The following CEP112 variants were observed in gnomAD, a reference collection of about 807,000 sequenced individuals.
The protein encoded by CEP112 is centrosomal protein of 112 kDa.
In CEP112, 127 loss-of-function variants were observed where a neutral mutation model predicts 153.0. That is an observed-to-expected ratio of 0.83 (90% CI 0.72 to 0.96). The LOEUF (loss-of-function observed/expected upper bound fraction) is 0.96, where lower values mean the gene tolerates loss of function less well. Ranked by LOEUF, CEP112 falls within the 40% of genes least tolerant of loss-of-function variation. The pLI, the probability that CEP112 is intolerant of heterozygous loss-of-function variation, is 0.00. For synonymous variants in CEP112, 358 were observed against 374.4 expected (o/e 0.96, Z 0.51); for missense variants, 1,089 against 1,101.2 (o/e 0.99, Z 0.16).
In CEP112 at chr17:65,959,233, A is replaced by T. The variant is rs531768538; in HGVS notation, c.1872+2230T>A. ...CTCTCTGCTGAGAGCTGCAGAGATG[A>T]TGGGACTACCTGTCTGCAGAGACGG... On this transcript the variant is annotated intron_variant, in intron 18 of 26. Transcript: ENST00000535342. 2.2e-4 allele frequency among the ~76,000 whole-genome samples: 33 copies of T among 152,086 alleles called. No individual in the cohort carries two copies. The South Asian group carries it at 3.5e-3, about 16-fold the overall frequency.
intron 22 of CEP112, among the ~76,000 whole-genome samples, chr17:65,748,747 G>A (rs1336611722): frequency 6.6e-6 from 1 of 152,170 alleles, no homozygotes; most frequent in African/African-American, 2.4e-5. Context: ...GGTAGGGCTG[G>A]TATTCAAATC....
chr17:65,907,431 C>A (rs2060125356), intron 19 of CEP112, among the ~76,000 whole-genome samples: 1 of 152,152 alleles, frequency 6.6e-6, no homozygotes, highest in African/African-American at 2.4e-5. Context: ...ATGAACAAAT[C>A]TCAAGGTTGC....
intron 21 of CEP112, among the ~76,000 whole-genome samples, chr17:65,815,919 T>C (rs1051039527): frequency 6.6e-6 from 1 of 152,114 alleles, no homozygotes; most frequent in Admixed American, 6.6e-5. Context: ...GTAGATGACA[T>C]GTCTGCAAAT....
In CEP112 at chr17:65,927,680, CT is replaced by C; in HGVS notation, c.1881del (p.Val628TrpfsTer5). On this transcript the variant is annotated frameshift_variant, in exon 19 of 27. Transcript: ENST00000535342. LOFTEE classifies it high-confidence loss of function. ...TTGGATCTAGTTAGATCTGCCTCCA[CT>C]TTTTCCATCTATAAAATTTAAAAAT... ...VYAEMKEQME[K>X]VEADLTRSKS... 3 of 1,542,204 alleles carry C rather than the reference CT, an allele frequency of 1.9e-6. No individual in the cohort carries two copies. The highest frequency in any genetic ancestry group is 4.4e-5 in the Admixed American group (2 of 45,330).
At chr17:65,725,385 T>C (rs755288515) in intron 23 of CEP112, among the ~76,000 whole-genome samples, 5 of 152,164 alleles carry the variant, frequency 3.3e-5, no homozygotes, top group Non-Finnish European at 5.9e-5. Context: ...TGGCACAATC[T>C]CAACTCACTA....
chr17:65,969,849 G>A (rs1393552933), intron 17 of CEP112, among the ~76,000 whole-genome samples: 1 of 151,910 alleles, frequency 6.6e-6, no homozygotes, highest in Non-Finnish European at 1.5e-5. Flanking sequence ...TCTATATATA[G>A]CATGCATGCA....
At chr17:66,188,433 C>A (rs925929265) in intron 1 of CEP112, among the ~76,000 whole-genome samples, 1 of 149,074 alleles carries the variant, frequency 6.7e-6, no homozygotes, top group Non-Finnish European at 1.5e-5. Context: ...CTAATCCCAC[C>A]CCCTTTTCAT....
intron 12 of CEP112, among the ~76,000 whole-genome samples, chr17:66,042,286 G>A (rs2066017374): frequency 6.6e-6 from 1 of 152,152 alleles, no homozygotes; most frequent in South Asian, 2.1e-4. Flanking sequence ...GGAGGCGGAG[G>A]TTGTAGTGAG....
intron 21 of CEP112, among the ~76,000 whole-genome samples, chr17:65,778,534 C>T (rs536842464): frequency 1.3e-4 from 20 of 152,086 alleles, no homozygotes; most frequent in Non-Finnish European, 2.8e-4. Flanking sequence ...TAACACAGCT[C>T]GTGGCTTTGG....
chr17:65,792,776 T>C (rs771027584), intron 21 of CEP112, among the ~76,000 whole-genome samples: 2 of 152,044 alleles, frequency 1.3e-5, no homozygotes, highest in Non-Finnish European at 2.9e-5. Flanking sequence ...AGAAGCTATA[T>C]ACCAAAAGAG....
In CEP112 at chr17:66,028,413, G is replaced by A; in HGVS notation, c.1504-8C>T. 1.4e-6 allele frequency: 2 copies of A among 1,476,414 alleles called. No homozygotes were observed. The highest frequency in any genetic ancestry group is 1.9e-6 in the Non-Finnish European group (2 of 1,079,976). 91.5% of individuals were successfully genotyped at this position (1,476,414 alleles called of 1,614,324 possible). A position where few individuals can be genotyped will look rare whatever the true frequency, so the allele number is the denominator to read the frequency against. The stretch of plus-strand genomic sequence containing the variant: ...TTCAATCATACTAGATGCCTACAAG[G>A]ATTTTAAGAAGAATAAAAAGCAGAA... On this transcript the variant is annotated splice_polypyrimidine_tract_variant and splice_region_variant and intron_variant, in intron 14 of 26. Transcript: ENST00000535342.
chr17:65,980,488 C>G (rs1002001016), intron 17 of CEP112, among the ~76,000 whole-genome samples: 1 of 152,130 alleles, frequency 6.6e-6, no homozygotes, highest in Admixed American at 6.5e-5. Flanking sequence ...TACCTCTAAC[C>G]TCATGCTTGG....
intron 23 of CEP112, among the ~76,000 whole-genome samples, chr17:65,739,356 C>T (rs1157839186): frequency 6.6e-6 from 1 of 152,162 alleles, no homozygotes; most frequent in African/African-American, 2.4e-5. Context: ...TGACTTTGAA[C>T]ATAAGGAGTG....
chr17:66,087,972 G>A (rs2068002837), intron 8 of CEP112, among the ~76,000 whole-genome samples: 1 of 151,918 alleles, frequency 6.6e-6, no homozygotes, highest in African/African-American at 2.4e-5. Context: ...AATCCACCCT[G>A]GTACAAGGAA....
At position 66,153,624 on chromosome 17, in the gene CEP112, T is replaced by A. The variant is rs77615678; in HGVS notation, c.471-20861A>T. 1.1e-4 allele frequency among the ~76,000 whole-genome samples: 16 copies of A among 152,244 alleles called. No individual in the cohort carries two copies. The East Asian group carries it at 3.1e-3, about 29-fold the overall frequency. On this transcript the variant is annotated intron_variant, in intron 4 of 26. Coordinates refer to ENST00000535342, the MANE Select transcript of CEP112 (RefSeq NM_001199165.4). The stretch of plus-strand genomic sequence containing the variant: ...CACACATGCACACATCACATTTATA[T>A]GCAAGTAAAAACTGGTGAGCTAATC...
intron 21 of CEP112, among the ~76,000 whole-genome samples, chr17:65,770,294 G>A (rs1319676894): frequency 2.0e-5 from 3 of 151,866 alleles, no homozygotes; most frequent in African/African-American, 7.2e-5. Flanking sequence ...AATCAATGAA[G>A]ATTTCTCATC....
intron 6 of CEP112, 60 bp downstream of exon 6, chr17:66,129,686 T>C (rs568216701): frequency 1.3e-4 from 157 of 1,163,152 alleles, no homozygotes; most frequent in Non-Finnish European, 1.6e-4. Flanking sequence ...TCAGATATTA[T>C]ACACATACAA....
At chr17:65,804,128 A>C (rs899201310) in intron 21 of CEP112, among the ~76,000 whole-genome samples, 4 of 152,176 alleles carry the variant, frequency 2.6e-5, no homozygotes, top group African/African-American at 9.6e-5. Context: ...GTTTTAAAAA[A>C]CGAGTTGGGA....
intron 24 of CEP112, among the ~76,000 whole-genome samples, chr17:65,681,038 G>A (rs1018029987): frequency 6.6e-6 from 1 of 152,138 alleles, no homozygotes; most frequent in South Asian, 2.1e-4. Flanking sequence ...ACCATATCAG[G>A]GGGCCACAGA....
Sources: gnomAD v4.1 joint callset for allele counts (sites outside exome capture counted in the v4.1 genomes callset) on GRCh38, gnomAD v4.1.1 for gene constraint, MANE v1.5 for transcripts, NCBI Gene and HGNC (gene_info 2026-07-23, HGNC 2026-07-21) for gene names.